Variants in UTRN observed in about 807,000 individuals in gnomAD.
UTRN encodes the protein utrophin.
Under a neutral mutation model 463.9 loss-of-function variants are expected in UTRN, and 283 were observed. The observed-to-expected ratio is 0.61, with a 90% CI of 0.55 to 0.67. UTRN has a LOEUF of 0.67. Among genes scored for constraint, UTRN ranks in the 30% least tolerant of loss-of-function variants. The pLI is 0.00. For synonymous variants in UTRN, 1,442 were observed against 1,431.5 expected (o/e 1.01, Z -0.17); for missense variants, 3,922 against 4,084.3 (o/e 0.96, Z 1.08).
At chr6:144,843,517 T>A (rs1781770566) in intron 73 of UTRN, among the ~76,000 whole-genome samples, 2 of 152,222 alleles carry the variant, frequency 1.3e-5, no homozygotes, top group South Asian at 4.1e-4. Flanking sequence ...TGTATCTCTT[T>A]TTATGGCCTC....
intron 51 of UTRN, among the ~76,000 whole-genome samples, chr6:144,585,025 T>C (rs1802328002): frequency 6.6e-6 from 1 of 152,054 alleles, no homozygotes; most frequent in Admixed American, 6.6e-5. Context: ...TCCTGATCCG[T>C]TTGTGTGTGT....
At chr6:144,730,190 CTTCA>C (rs1386928646) in intron 53 of UTRN, among the ~76,000 whole-genome samples, 163 bp from the exon 54 acceptor site, 11 of 151,886 alleles carry the variant, frequency 7.2e-5, no homozygotes, top group African/African-American at 2.4e-4. Flanking sequence ...TTGTATTTTT[CTTCA>C]TTCATATCTA....
chr6:144,294,809 A>G (rs963336730), intron 2 of UTRN, among the ~76,000 whole-genome samples: 9 of 152,168 alleles, frequency 5.9e-5, no homozygotes. Context: ...TTTAAATTTT[A>G]TAATTTTAAA....
intron 2 of UTRN, among the ~76,000 whole-genome samples, chr6:144,293,812 A>G (rs569928584): frequency 1.3e-5 from 2 of 152,220 alleles, no homozygotes; most frequent in Non-Finnish European, 2.9e-5. Flanking sequence ...ATCATACATG[A>G]TCTCAGTAGA....
chr6:144,472,391 C>A (rs2128568370), intron 23 of UTRN, among the ~76,000 whole-genome samples: 1 of 151,164 alleles, frequency 6.6e-6, no homozygotes, highest in East Asian at 2.0e-4. Flanking sequence ...AAGATGCTCT[C>A]TCATTTAGTT....
At position 144,478,595 on chromosome 6, in the gene UTRN, G is replaced by A. The variant is rs867463307; in HGVS notation, c.3337-1217G>A. Reference sequence around the variant, plus strand: ...GTTTGGTCCTGTCTATTTTTATGCCGGAGATCCTGTTTGGAGGGAGGGACT... The same window carrying A: ...GTTTGGTCCTGTCTATTTTTATGCCAGAGATCCTGTTTGGAGGGAGGGACT... On this transcript the variant is annotated intron_variant, in intron 25 of 74. Coordinates refer to ENST00000367545, the MANE Select transcript of UTRN (RefSeq NM_007124.3). Among the ~76,000 whole-genome samples, 9 of 152,280 alleles carry A rather than the reference G, an allele frequency of 5.9e-5. 1 individual carries two copies. The highest frequency in any genetic ancestry group is 3.4e-3 in the Middle Eastern group (1 of 294).
intron 2 of UTRN, among the ~76,000 whole-genome samples, chr6:144,393,378 A>G (rs896545551): frequency 6.6e-6 from 1 of 152,270 alleles, no homozygotes; most frequent in Non-Finnish European, 1.5e-5. Flanking sequence ...AAGTTCACGA[A>G]CAAGAGTGTT....
At chr6:144,663,158 G>A (rs1157815385) in intron 51 of UTRN, among the ~76,000 whole-genome samples, 1 of 152,134 alleles carries the variant, frequency 6.6e-6, no homozygotes, top group Non-Finnish European at 1.5e-5. Flanking sequence ...CCCAATTGGA[G>A]GGAACCATGC....
chr6:144,418,557 GTTGT>G (rs375309361), intron 3 of UTRN, among the ~76,000 whole-genome samples: 15,535 of 150,754 alleles, frequency 0.1, 2,203 homozygotes, highest in African/African-American at 0.32. Context: ...TTTTGTTGTT[GTTGT>G]TTGTTTGTTT....
At chr6:144,313,943 A>G (rs2114565202) in intron 2 of UTRN, among the ~76,000 whole-genome samples, 1 of 152,230 alleles carries the variant, frequency 6.6e-6, no homozygotes, top group Admixed American at 6.5e-5. Flanking sequence ...TAATATTCAT[A>G]TTTACTTTTT....
In UTRN at chr6:144,585,562, T is replaced by A. The variant is rs184952201; in HGVS notation, c.7479+8274T>A. Among the ~76,000 whole-genome samples the A allele has an allele frequency of 6.1e-3, 925 of 152,248 alleles. 3 individuals carry two copies. The highest frequency in any genetic ancestry group is 0.01 in the Non-Finnish European group (691 of 67,954). ...GTTATATTTTGAAAACTGATCTAAG[T>A]TATTGAGCTATATTAATGTAATGAA... On this transcript the variant is annotated intron_variant, in intron 51 of 74. Coordinates refer to ENST00000367545, the MANE Select transcript of UTRN (RefSeq NM_007124.3).
At chr6:144,459,061 G>C in intron 20 of UTRN, 50 bp downstream of exon 20, 1 of 1,566,296 alleles carries the variant, frequency 6.4e-7, no homozygotes, top group Non-Finnish European at 8.6e-7. Flanking sequence ...TGCAGTTCCA[G>C]AGTTAAGGAG....
At chr6:144,403,297 C>T (rs904982771) in intron 3 of UTRN, 113 bp downstream of exon 3, 3 of 857,122 alleles carry the variant, frequency 3.5e-6, no homozygotes, top group Non-Finnish European at 5.8e-6. Context: ...CCGAAGTCTT[C>T]TGAGTATGCA....
intron 64 of UTRN, chr6:144,799,613 A>T (rs572793632): frequency 1.4e-4 from 57 of 417,934 alleles, no homozygotes; most frequent in South Asian, 1.0e-3. Flanking sequence ...CAAATGAGAG[A>T]TGTAGTCATC....
intron 3 of UTRN, among the ~76,000 whole-genome samples, chr6:144,407,356 A>G (rs1783511219): frequency 6.6e-6 from 1 of 152,298 alleles, no homozygotes; most frequent in South Asian, 2.1e-4. Context: ...TTGGAGAGAC[A>G]GGAGTAGAGT....
Position 144,619,269 on chromosome 6 carries a change from G to A in UTRN, c.7479+41981G>A, listed in dbSNP as rs561444884. Among the ~76,000 whole-genome samples, 3 of 152,236 alleles carry A rather than the reference G, an allele frequency of 2.0e-5. No homozygotes were observed. The South Asian group carries it at 6.2e-4, about 32-fold the overall frequency. On this transcript the variant is annotated intron_variant, in intron 51 of 74. Coordinates refer to ENST00000367545, the MANE Select transcript of UTRN (RefSeq NM_007124.3). ...TTTTTAAATCAATATGTAGTAGTATGACCACAATGTCATATTCATTAGTAA... is the reference window on the plus strand; with the variant it reads ...TTTTTAAATCAATATGTAGTAGTATAACCACAATGTCATATTCATTAGTAA...
intron 9 of UTRN, among the ~76,000 whole-genome samples, chr6:144,430,031 C>T (rs1584751136): frequency 6.6e-6 from 1 of 152,280 alleles, no homozygotes; most frequent in East Asian, 1.9e-4. Context: ...GTTTTCACAT[C>T]ATCTGGTTGC....
intron 9 of UTRN, 151 bp from the exon 10 acceptor site, chr6:144,435,784 C>T: frequency 2.8e-6 from 2 of 721,072 alleles, no homozygotes; most frequent in East Asian, 2.7e-5. Flanking sequence ...GCTTCTAACT[C>T]ATTCATGGCA....
Position 144,458,860 on chromosome 6 carries a change from G to T in UTRN, c.2375G>T (p.Arg792Ile), listed in dbSNP as rs1234706009. 1 of 1,613,622 alleles carries T rather than the reference G, an allele frequency of 6.2e-7. No individual in the cohort carries two copies. The highest frequency in any genetic ancestry group is 1.1e-5 in the South Asian group (1 of 90,868). ...TCTCAACATTTGGAAGATCTAGAAA[G>T]AAAGATTCAGCTACAGGAAGATATA... ...NVSQHLEDLERKIQLQEDINA... is the reference protein window; with the variant it reads ...NVSQHLEDLEIKIQLQEDINA... The change falls in exon 20 of 75, where the codon AGA becomes ATA. Residue 792 changes from arginine (R) to isoleucine (I), a missense_variant. By Grantham distance (97) the Arg-to-Ile change is moderately conservative. This residue lies in a region of UTRN where 2,349 missense variants were observed against 2,303.8 expected (regional missense o/e 1.02). Coordinates refer to ENST00000367545, the MANE Select transcript of UTRN (RefSeq NM_007124.3).
Sources: gnomAD v4.1 joint callset for allele counts (sites outside exome capture counted in the v4.1 genomes callset) on GRCh38, gnomAD v4.1.1 for gene constraint, gnomAD v4.1.1 regional missense constraint, MANE v1.5 for transcripts, NCBI Gene and HGNC (gene_info 2026-07-23, HGNC 2026-07-21) for gene names.